GATB: variants seen among roughly 807,000 people sequenced by gnomAD.
GATB encodes glutamyl-tRNA(Gln) amidotransferase subunit B, mitochondrial.
A neutral mutation model predicts 62.3 loss-of-function variants in GATB; 39 were observed. The observed-to-expected ratio is 0.63, with a 90% CI of 0.48 to 0.82. The LOEUF is 0.82. Among genes scored for constraint, GATB ranks in the 40% least tolerant of loss-of-function variants. The pLI, the probability that GATB is intolerant of heterozygous loss-of-function variation, is 0.00. For synonymous variants in GATB, 276 were observed against 258.9 expected (o/e 1.07, Z -0.63); for missense variants, 670 against 684.0 (o/e 0.98, Z 0.23).
At chr4:151,672,971 CTG>C (rs1737907441) in intron 11 of GATB, 75 bp from the exon 12 acceptor site, 4 of 1,540,028 alleles carry the variant, frequency 2.6e-6, no homozygotes, top group Non-Finnish European at 2.7e-6. Context: ...CAGTGCTGTG[CTG>C]TGTGGAGCTG....
At chr4:151,726,774 T>C (rs1739145549) in intron 2 of GATB, among the ~76,000 whole-genome samples, 1 of 152,164 alleles carries the variant, frequency 6.6e-6, no homozygotes, top group Non-Finnish European at 1.5e-5. Context: ...AAATTTTCCT[T>C]GGTCCAGAGT....
chr4:151,751,125 T>C (rs888516378), intron 2 of GATB, among the ~76,000 whole-genome samples: 2 of 151,970 alleles, frequency 1.3e-5, no homozygotes, highest in Non-Finnish European at 2.9e-5. Flanking sequence ...TGTGGATGAG[T>C]CTATTTCTCC....
intron 11 of GATB, chr4:151,673,106 G>A (rs1283904575): frequency 3.6e-6 from 2 of 552,296 alleles, no homozygotes; most frequent in African/African-American, 1.9e-5. Context: ...CAGGGCTGGG[G>A]AACAAGGCCA....
At chr4:151,700,512 G>C (rs1738579672) in intron 9 of GATB, among the ~76,000 whole-genome samples, 1 of 152,152 alleles carries the variant, frequency 6.6e-6, no homozygotes, top group South Asian at 2.1e-4. Context: ...ATATACTCCA[G>C]CATCCCAATG....
At chr4:151,719,204 G>A (rs911624494) in intron 3 of GATB, among the ~76,000 whole-genome samples, 1 of 152,242 alleles carries the variant, frequency 6.6e-6, no homozygotes, top group African/African-American at 2.4e-5. Context: ...CCAGAAGCAT[G>A]AGGTAAGCAA....
chr4:151,688,402 G>A (rs980482674), intron 10 of GATB, among the ~76,000 whole-genome samples: 1 of 152,196 alleles, frequency 6.6e-6, no homozygotes, highest in African/African-American at 2.4e-5. Flanking sequence ...CCCAGCCTCT[G>A]ACACAGTGCA....
intron 9 of GATB, among the ~76,000 whole-genome samples, chr4:151,689,493 A>G (rs1738319050): frequency 6.6e-6 from 1 of 152,044 alleles, no homozygotes; most frequent in African/African-American, 2.4e-5. Flanking sequence ...TTTCATCAAG[A>G]CTGTACCACT....
At chr4:151,727,615 T>A (rs1338692257) in intron 2 of GATB, among the ~76,000 whole-genome samples, 1 of 152,188 alleles carries the variant, frequency 6.6e-6, no homozygotes, top group Non-Finnish European at 1.5e-5. Context: ...AGAAGACATA[T>A]ACTAATTGAT....
At chr4:151,694,010 C>T (rs561708005) in intron 9 of GATB, among the ~76,000 whole-genome samples, 6 of 152,306 alleles carry the variant, frequency 3.9e-5, no homozygotes, top group African/African-American at 1.2e-4. Flanking sequence ...ACGAATGGGA[C>T]ACAGGCAGTG....
chr4:151,749,397 A>C (rs936061856), intron 2 of GATB, among the ~76,000 whole-genome samples: 1 of 152,066 alleles, frequency 6.6e-6, no homozygotes, highest in African/African-American at 2.4e-5. Flanking sequence ...ATTCTCAGCA[A>C]ACTATCGCAA....
At chr4:151,675,171 T>C (rs532949983) in intron 11 of GATB, 1 of 152,066 alleles carries the variant, frequency 6.6e-6, no homozygotes, top group Non-Finnish European at 1.5e-5. Context: ...CTAGGACAGA[T>C]GCCTTCAAAC....
chr4:151,716,898 C>T lies in GATB; in HGVS notation c.618G>A (p.Thr206=), dbSNP rs141428435. Residue 206 remains threonine, a synonymous_variant, in exon 4 of 13, where the codon ACG becomes ACA. Transcript: ENST00000263985. ...TACCTGCCCTGTTCAAATCAATGAG[C>T]GTCTGAGACCTCAGGTTGTCGTGGA... The part of the protein sequence containing the change: ...KSLHDNLRSQ[T]LIDLNRAGVG... 1.7e-5 allele frequency: 28 copies of T among 1,614,092 alleles called. No homozygotes were observed. The highest frequency in any genetic ancestry group is 6.6e-5 in the South Asian group (6 of 91,088).
At chr4:151,743,220 C>T (rs1420481226) in intron 2 of GATB, among the ~76,000 whole-genome samples, 2 of 152,192 alleles carry the variant, frequency 1.3e-5, no homozygotes, top group Non-Finnish European at 2.9e-5. Flanking sequence ...TGCCCATAGA[C>T]AGGCCTGCTT....
At chr4:151,678,363 G>T (rs1163626507) in intron 11 of GATB, among the ~76,000 whole-genome samples, 1 of 152,142 alleles carries the variant, frequency 6.6e-6, no homozygotes, top group African/African-American at 2.4e-5. Flanking sequence ...CTGTTGTGTT[G>T]TGGGGCAGGA....
Position 151,754,777 on chromosome 4 carries a change from G to C in GATB, c.327+3995C>G, listed in dbSNP as rs571518428. 8.6e-5 allele frequency among the ~76,000 whole-genome samples: 13 copies of C among 151,732 alleles called. No homozygotes were observed. In the East Asian group the frequency reaches 2.5e-3, roughly 29 times the overall value. On this transcript the variant is annotated intron_variant, in intron 2 of 12. Transcript: ENST00000263985. ...AATAAAAGTAATGATTTCTAATTCA[G>C]AAATAATTTTATCCATATACTAGTT... is the stretch of plus-strand genomic sequence containing the variant.
chr4:151,760,722 A>C (rs940457719), intron 1 of GATB, 85 bp downstream of exon 1: 1 of 1,314,558 alleles, frequency 7.6e-7, no homozygotes, highest in African/African-American at 1.5e-5. Context: ...AAACGTCTAG[A>C]AGCTGGGCCG....
chr4:151,752,481 T>C (rs749161545), intron 2 of GATB, among the ~76,000 whole-genome samples: 7 of 152,310 alleles, frequency 4.6e-5, no homozygotes, highest in Non-Finnish European at 1.0e-4. Flanking sequence ...TTTTTTCTTC[T>C]ATTGTCCAAT....
At chr4:151,713,979 A>G (rs1250236612) in intron 5 of GATB, among the ~76,000 whole-genome samples, 1 of 152,232 alleles carries the variant, frequency 6.6e-6, no homozygotes, top group Non-Finnish European at 1.5e-5. Flanking sequence ...GAGATGTCAA[A>G]TTAATTTTAA....
intron 2 of GATB, among the ~76,000 whole-genome samples, chr4:151,737,785 G>A (rs1268933210): frequency 6.6e-6 from 1 of 152,176 alleles, no homozygotes; most frequent in Non-Finnish European, 1.5e-5. Flanking sequence ...AGCTTGGACT[G>A]TTGCTTCAGA....
Sources: gnomAD v4.1 joint callset for allele counts (sites outside exome capture counted in the v4.1 genomes callset) on GRCh38, gnomAD v4.1.1 for gene constraint, MANE v1.5 for transcripts, NCBI Gene and HGNC (gene_info 2026-07-23, HGNC 2026-07-21) for gene names.